Variants in ENTREP2 observed in about 807,000 individuals in gnomAD.
The protein encoded by ENTREP2 is protein ENTREP2.
the ENTREP2 span, among the ~76,000 whole-genome samples, chr15:29,438,569 C>G: frequency 3.3e-5 from 5 of 152,024 alleles, no homozygotes; most frequent in African/African-American, 9.7e-5. Context: ...CCCATGAAGA[C>G]AGACTTGTGA....
At chr15:29,173,284 G>A in the ENTREP2 span, among the ~76,000 whole-genome samples, 4 of 152,298 alleles carry the variant, frequency 2.6e-5, no homozygotes, top group East Asian at 7.7e-4. Flanking sequence ...CTCACCATGG[G>A]GCCGCTGCCT....
the ENTREP2 span, among the ~76,000 whole-genome samples, chr15:29,473,954 C>CA: frequency 5.1e-3 from 773 of 152,350 alleles, 8 homozygotes; most frequent in African/African-American, 0.018. Flanking sequence ...CGGACTCCCA[C>CA]ATCAAGCTGG....
chr15:29,280,361 A>G, the ENTREP2 span, among the ~76,000 whole-genome samples: 1 of 152,168 alleles, frequency 6.6e-6, no homozygotes, highest in Non-Finnish European at 1.5e-5. Context: ...TTTGCATGAT[A>G]TGCTTTGGCT....
chr15:29,267,800 A>G, the ENTREP2 span: 1 of 152,214 alleles, frequency 6.6e-6, no homozygotes, highest in Non-Finnish European at 1.5e-5. Context: ...ATAACAAATA[A>G]AATTCTCCAC....
At chr15:29,344,651 T>C in the ENTREP2 span, among the ~76,000 whole-genome samples, 2 of 151,060 alleles carry the variant, frequency 1.3e-5, no homozygotes, top group Admixed American at 6.6e-5. Context: ...ACACCAGAGG[T>C]GGAGTGGGGA....
the ENTREP2 span, among the ~76,000 whole-genome samples, chr15:29,620,146 T>C: frequency 6.6e-6 from 1 of 152,058 alleles, no homozygotes; most frequent in Non-Finnish European, 1.5e-5. Flanking sequence ...GAAGGACAGA[T>C]GACACAAAGT....
At chr15:29,550,679 T>C in the ENTREP2 span, among the ~76,000 whole-genome samples, 1 of 152,164 alleles carries the variant, frequency 6.6e-6, no homozygotes. Flanking sequence ...TTAAAACCAT[T>C]AGAATACAAA....
the ENTREP2 span, among the ~76,000 whole-genome samples, chr15:29,172,289 G>A: frequency 6.6e-6 from 1 of 152,206 alleles, no homozygotes; most frequent in Non-Finnish European, 1.5e-5. Context: ...GTGAAGGACA[G>A]TAATTTATTG....
chr15:29,239,489 C>T, the ENTREP2 span, among the ~76,000 whole-genome samples: 2 of 152,122 alleles, frequency 1.3e-5, no homozygotes, highest in East Asian at 1.9e-4. Flanking sequence ...CAGGGACACC[C>T]CTCTTTAATT....
At chr15:29,401,270 T>G in the ENTREP2 span, among the ~76,000 whole-genome samples, 2 of 152,118 alleles carry the variant, frequency 1.3e-5, no homozygotes, top group African/African-American at 4.8e-5. Flanking sequence ...ATATTTATAA[T>G]ACATAAACAG....
chr15:29,599,305 AG>A, the ENTREP2 span, among the ~76,000 whole-genome samples: 2 of 152,236 alleles, frequency 1.3e-5, no homozygotes, highest in Non-Finnish European at 2.9e-5. Flanking sequence ...CTATTCATTT[AG>A]ACTAATAAGG....
the ENTREP2 span, among the ~76,000 whole-genome samples, chr15:29,548,675 T>C: frequency 6.6e-6 from 1 of 152,140 alleles, no homozygotes; most frequent in African/African-American, 2.4e-5. Context: ...CACAAAATCA[T>C]AAGAGACTTC....
At chr15:29,344,826 G>A in the ENTREP2 span, among the ~76,000 whole-genome samples, 1 of 151,882 alleles carries the variant, frequency 6.6e-6, no homozygotes, top group Non-Finnish European at 1.5e-5. Flanking sequence ...GCTATTTATT[G>A]AAATGAGGAG....
chr15:29,448,312 G>A, the ENTREP2 span, among the ~76,000 whole-genome samples: 3 of 152,090 alleles, frequency 2.0e-5, no homozygotes, highest in East Asian at 1.9e-4. Flanking sequence ...GATTTAAAAC[G>A]AAGACACACC....
the ENTREP2 span, among the ~76,000 whole-genome samples, chr15:29,124,970 C>G: frequency 6.6e-6 from 1 of 152,234 alleles, no homozygotes; most frequent in African/African-American, 2.4e-5. Context: ...CCAGGTCCCA[C>G]CCTGACACAG....
At chr15:29,469,148 G>A in the ENTREP2 span, among the ~76,000 whole-genome samples, 2 of 152,126 alleles carry the variant, frequency 1.3e-5, no homozygotes, top group Non-Finnish European at 2.9e-5. Context: ...AGGGAAATAC[G>A]CCAGTCACAG....
At chr15:29,438,899 T>C in the ENTREP2 span, among the ~76,000 whole-genome samples, 4 of 152,032 alleles carry the variant, frequency 2.6e-5, no homozygotes, top group South Asian at 2.1e-4. Flanking sequence ...TACTAACCAG[T>C]TGAGGAAAAT....
the ENTREP2 span, among the ~76,000 whole-genome samples, chr15:29,569,220 T>C: frequency 2.9e-3 from 444 of 152,292 alleles, 3 homozygotes; most frequent in African/African-American, 0.01. Context: ...GTTGTTCCTA[T>C]TCAGCTCTCC....
chr15:29,322,329 T>C, the ENTREP2 span, among the ~76,000 whole-genome samples: 1 of 152,186 alleles, frequency 6.6e-6, no homozygotes, highest in Non-Finnish European at 1.5e-5. Context: ...CACTACATTG[T>C]TATTACCTAT....
Sources: gnomAD v4.1 joint callset for allele counts (sites outside exome capture counted in the v4.1 genomes callset) on GRCh38, gnomAD v4.1.1 for gene constraint, MANE v1.5 for transcripts, NCBI Gene and HGNC (gene_info 2026-07-23, HGNC 2026-07-21) for gene names.